DLGAP1: variants seen among roughly 807,000 people sequenced by gnomAD.
DLGAP1 encodes disks large-associated protein 1.
Under a neutral mutation model 90.8 loss-of-function variants are expected in DLGAP1, and 11 were observed. The observed-to-expected ratio is 0.12, with a 90% CI of 0.08 to 0.20. The LOEUF is 0.20. Ranked by LOEUF, DLGAP1 falls within the 10% of genes least tolerant of loss-of-function variation. The pLI, the probability that DLGAP1 is intolerant of heterozygous loss-of-function variation, is 1.00. For synonymous variants in DLGAP1, 558 were observed against 540.7 expected, an observed-to-expected ratio of 1.03 and a Z score of -0.44; for missense variants, 1,050 against 1,333.8, an observed-to-expected ratio of 0.79 and a Z score of 3.31.
intron 10 of DLGAP1, among the ~76,000 whole-genome samples, chr18:3,515,052 A>G (rs191659355): frequency 2.6e-5 from 4 of 152,288 alleles, no homozygotes; most frequent in African/African-American, 4.8e-5. Flanking sequence ...GGCTGTGACA[A>G]TTTTAAAAAT....
At chr18:3,914,319 G>T (rs2072097157) in intron 3 of DLGAP1, among the ~76,000 whole-genome samples, 1 of 152,168 alleles carries the variant, frequency 6.6e-6, no homozygotes, top group South Asian at 2.1e-4. Flanking sequence ...GCCTTTCTGT[G>T]CTGGGCTTTC....
At chr18:4,302,858 T>G (rs2080160607) in intron 1 of DLGAP1, among the ~76,000 whole-genome samples, 1 of 152,238 alleles carries the variant, frequency 6.6e-6, no homozygotes, top group Non-Finnish European at 1.5e-5. Context: ...ACACAGTCTA[T>G]CTCTCCATTT....
At chr18:4,308,789 T>C (rs928864075) in intron 1 of DLGAP1, among the ~76,000 whole-genome samples, 6 of 152,230 alleles carry the variant, frequency 3.9e-5, no homozygotes, top group African/African-American at 1.4e-4. Flanking sequence ...ACACAAAGCC[T>C]CAGGCGAAGA....
chr18:3,989,978 A>C (rs1204002440), intron 3 of DLGAP1, among the ~76,000 whole-genome samples: 1 of 152,132 alleles, frequency 6.6e-6, no homozygotes, highest in Non-Finnish European at 1.5e-5. Flanking sequence ...AAAAGTCAGG[A>C]AACAACAGGT....
At chr18:3,588,198 G>A (rs1449852963) in intron 7 of DLGAP1, among the ~76,000 whole-genome samples, 1 of 152,196 alleles carries the variant, frequency 6.6e-6, no homozygotes, top group African/African-American at 2.4e-5. Flanking sequence ...TGTGGCTCAC[G>A]CCTGTAATCC....
intron 4 of DLGAP1, among the ~76,000 whole-genome samples, chr18:3,827,114 T>A (rs1341597472): frequency 6.6e-6 from 1 of 152,180 alleles, no homozygotes; most frequent in Non-Finnish European, 1.5e-5. Flanking sequence ...CCATGGGTCA[T>A]CTAAGCAGAG....
intron 9 of DLGAP1, among the ~76,000 whole-genome samples, chr18:3,537,737 C>A (rs1434469670): frequency 1.3e-5 from 2 of 152,172 alleles, no homozygotes; most frequent in Non-Finnish European, 1.5e-5. Flanking sequence ...CAACAGTGCA[C>A]CAGGATTCCT....
chr18:4,310,238 GTTTTT>G (rs890689254), intron 1 of DLGAP1, among the ~76,000 whole-genome samples: 4 of 151,482 alleles, frequency 2.6e-5, no homozygotes, highest in African/African-American at 9.7e-5. Context: ...TTGGGTGTGA[GTTTTT>G]TTTTAATTGC....
chr18:3,657,820 G>A (rs759446318), intron 7 of DLGAP1, among the ~76,000 whole-genome samples: 3 of 151,814 alleles, frequency 2.0e-5, no homozygotes, highest in Admixed American at 6.6e-5. Flanking sequence ...TAGCCAGGAT[G>A]GTCTCGATCT....
At chr18:3,549,910 T>A (rs1005501711) in intron 9 of DLGAP1, among the ~76,000 whole-genome samples, 8 of 151,884 alleles carry the variant, frequency 5.3e-5, no homozygotes, top group African/African-American at 1.7e-4. Flanking sequence ...TTAATTTATT[T>A]ATTATTTATT....
rs1414032164 is a variant in DLGAP1, at chr18:4,342,642, TG to T, written c.-267+112363del. On this transcript the variant is annotated intron_variant, in intron 1 of 12. Transcript: ENST00000315677. This position sits in a 1 kb window ranked among gnomAD's most constrained non-coding sequence, Gnocchi z 5.8. The stretch of plus-strand genomic sequence containing the variant: ...AGAGGGAAATTAGCTCTATTGAAAA[TG>T]TATTTGTTTTGGTTTTGGTTAATAC... 3.9e-5 allele frequency among the ~76,000 whole-genome samples: 6 copies of T among 152,128 alleles called. No individual in the cohort carries two copies. Among genetic ancestry groups the T allele is most frequent in the Non-Finnish European group, 8.8e-5 (6 of 68,012 alleles).
chr18:4,258,887 G>C (rs2078949781), intron 1 of DLGAP1, among the ~76,000 whole-genome samples: 1 of 152,032 alleles, frequency 6.6e-6, no homozygotes, highest in African/African-American at 2.4e-5. Flanking sequence ...TAGGAACCAA[G>C]CAGAGACTCC....
intron 7 of DLGAP1, among the ~76,000 whole-genome samples, chr18:3,669,665 A>G (rs762007584): frequency 2.6e-5 from 4 of 152,042 alleles, no homozygotes; most frequent in Non-Finnish European, 5.9e-5. Flanking sequence ...GGGTGGCCCA[A>G]CTCTAGGGGA....
intron 2 of DLGAP1, among the ~76,000 whole-genome samples, chr18:4,040,347 A>G (rs2074956173): frequency 1.3e-5 from 2 of 152,254 alleles, no homozygotes; most frequent in South Asian, 4.1e-4. Context: ...TTATAATTCT[A>G]GTCATTATAA....
intron 4 of DLGAP1, among the ~76,000 whole-genome samples, chr18:3,816,126 A>G (rs1466106070): frequency 1.3e-5 from 2 of 152,226 alleles, no homozygotes; most frequent in Non-Finnish European, 2.9e-5. Context: ...TTTCATCAAT[A>G]CAACAACCTG....
At position 3,762,003 on chromosome 18, in the gene DLGAP1, A is replaced by C. The variant is rs369123331; in HGVS notation, c.1173-19491T>G. Among the ~76,000 whole-genome samples, 217 of 152,336 alleles carry C rather than the reference A, an allele frequency of 1.4e-3. 7 individuals carry two copies. The South Asian group carries it at 0.044, about 31-fold the overall frequency. On this transcript the variant is annotated intron_variant, in intron 5 of 12. Transcript: ENST00000315677. Reference sequence around the variant, plus strand: ...CTAACATTTGGGGACCAACACAATAAAAACAAACCATCATTTCCCCCACCC... The same window carrying C: ...CTAACATTTGGGGACCAACACAATACAAACAAACCATCATTTCCCCCACCC...
chr18:3,595,758 A>G (rs1336637524), intron 7 of DLGAP1, among the ~76,000 whole-genome samples: 1 of 151,648 alleles, frequency 6.6e-6, no homozygotes. Context: ...AGCCTTTCCA[A>G]CAGGTGCAAT....
chr18:4,254,748 A>G (rs577920925), intron 1 of DLGAP1, among the ~76,000 whole-genome samples: 5 of 152,326 alleles, frequency 3.3e-5, no homozygotes, highest in African/African-American at 9.6e-5. Flanking sequence ...TCTACTTCCT[A>G]ATTCTCAGAG....
chr18:3,976,425 A>C (rs1273061414), intron 3 of DLGAP1, among the ~76,000 whole-genome samples: 1 of 152,164 alleles, frequency 6.6e-6, no homozygotes, highest in South Asian at 2.1e-4. Context: ...TGCATTAAGG[A>C]AAATATAGAG....
Sources: gnomAD v4.1 joint callset for allele counts (sites outside exome capture counted in the v4.1 genomes callset) on GRCh38, gnomAD v4.1.1 for gene constraint, Gnocchi (gnomAD v3.1) non-coding constraint, MANE v1.5 for transcripts, NCBI Gene and HGNC (gene_info 2026-07-23, HGNC 2026-07-21) for gene names.